PTPRB: variants seen among roughly 807,000 people sequenced by gnomAD.
PTPRB encodes the protein protein tyrosine phosphatase receptor type B.
A neutral mutation model predicts 238.1 loss-of-function variants in PTPRB; 97 were observed. The ratio of observed to expected loss-of-function variants is 0.41; its 90% confidence interval spans 0.35 to 0.48. The LOEUF (loss-of-function observed/expected upper bound fraction) is 0.48, where lower values mean the gene tolerates loss of function less well. Among genes scored for constraint, PTPRB ranks in the 20% least tolerant of loss-of-function variants. The probability of loss-of-function intolerance (pLI) is 0.30; values close to 1 mark genes in which losing one functional copy is unlikely to be tolerated. For synonymous variants in PTPRB, 970 were observed against 995.4 expected, an observed-to-expected ratio of 0.97 and a Z score of 0.48; for missense variants, 2,292 against 2,681.9, an observed-to-expected ratio of 0.85 and a Z score of 3.21.
At chr12:70,535,920 C>G in intron 29 of PTPRB, 105 bp downstream of exon 29, 1 of 1,414,832 alleles carries the variant, frequency 7.1e-7, no homozygotes, top group Non-Finnish European at 9.8e-7. Context: ...AATGCTCTCA[C>G]ATGATCCCTA....
At chr12:70,590,473 G>A (rs1273066189) in intron 7 of PTPRB, among the ~76,000 whole-genome samples, 1 of 151,588 alleles carries the variant, frequency 6.6e-6, no homozygotes, top group Non-Finnish European at 1.5e-5. Flanking sequence ...CTGTTGTAGT[G>A]TTAATAATCT....
In PTPRB at chr12:70,594,528, G is replaced by A. The variant is rs774408687; in HGVS notation, c.1455C>T (p.Asn485=). The change falls in exon 6 of 34, where the codon AAC becomes AAT. Residue 485 remains asparagine (N), a synonymous_variant. Transcript: ENST00000334414. The part of the protein sequence containing the change: ...FHGLTPGYLY[N]LTVMTEAAGL... The stretch of plus-strand genomic sequence containing the variant: ...CTGCAGCCTCAGTCATAACAGTGAG[G>A]TTGTAGAGGTAGCCAGGGGTCAGCC... 6 of 1,613,986 alleles carry A rather than the reference G, an allele frequency of 3.7e-6. No homozygotes were observed. Among genetic ancestry groups the A allele is most frequent in the Non-Finnish European group, 5.1e-6 (6 of 1,179,888 alleles).
At chr12:70,563,683 T>C (rs1396113674) in intron 15 of PTPRB, among the ~76,000 whole-genome samples, 1 of 152,140 alleles carries the variant, frequency 6.6e-6, no homozygotes, top group Non-Finnish European at 1.5e-5. Context: ...ATACCTATGG[T>C]CCCTTCTCTC....
intron 18 of PTPRB, 174 bp downstream of exon 18, chr12:70,559,169 C>T (rs946526191): frequency 6.4e-5 from 44 of 684,804 alleles, no homozygotes; most frequent in South Asian, 2.5e-4. Flanking sequence ...TTTATTGTCC[C>T]TTGTTGTTAA....
intron 4 of PTPRB, among the ~76,000 whole-genome samples, chr12:70,607,175 A>G (rs1234591882): frequency 2.0e-5 from 3 of 152,208 alleles, no homozygotes; most frequent in Non-Finnish European, 2.9e-5. Context: ...GTCCTTTTCC[A>G]TTACTGTTTT....
intron 28 of PTPRB, among the ~76,000 whole-genome samples, chr12:70,536,889 C>T: frequency 6.6e-6 from 1 of 152,204 alleles, no homozygotes; most frequent in East Asian, 1.9e-4. Flanking sequence ...TTTCTCTCTG[C>T]TGGGGGATAT....
At chr12:70,620,067 A>G (rs1278125151) in intron 3 of PTPRB, among the ~76,000 whole-genome samples, 3 of 152,220 alleles carry the variant, frequency 2.0e-5, no homozygotes, top group African/African-American at 7.2e-5. Flanking sequence ...GAAAGAGCAT[A>G]GCTTTTACAC....
At chr12:70,530,425 A>G (rs1028831802) in intron 32 of PTPRB, among the ~76,000 whole-genome samples, 29 of 152,182 alleles carry the variant, frequency 1.9e-4, no homozygotes, top group African/African-American at 7.0e-4. Context: ...ATGTACACAT[A>G]TAGGTGTATA....
chr12:70,569,764 T>C lies in PTPRB; in HGVS notation c.3545A>G (p.His1182Arg), dbSNP rs1195947607. Reference sequence around the variant, plus strand: ...GTACTGCTCCCCGGCCTCCAGTCTGTGGAACGTGTGCTCAAAGACGTGCTT... The same window carrying C: ...GTACTGCTCCCCGGCCTCCAGTCTGCGGAACGTGTGCTCAAAGACGTGCTT... ...IPKHVFEHTF[H>R]RLEAGEQYQI... Residue 1182 changes from histidine to arginine, a missense_variant, in exon 14 of 34, where the codon CAC becomes CGC. Coordinates refer to ENST00000334414, the MANE Select transcript of PTPRB (RefSeq NM_001109754.4). The C allele has an allele frequency of 3.7e-6, 6 of 1,613,770 alleles. No homozygotes were observed. Among genetic ancestry groups the C allele is most frequent in the Non-Finnish European group, 4.2e-6 (5 of 1,179,874 alleles).
intron 7 of PTPRB, among the ~76,000 whole-genome samples, chr12:70,590,940 GTTT>G (rs35496972): frequency 1.9e-5 from 2 of 102,844 alleles, no homozygotes; most frequent in Non-Finnish European, 3.8e-5. Context: ...TTTCCTCCAA[GTTT>G]TTTTTTTTTT....
chr12:70,628,393 C>T (rs909956545), intron 2 of PTPRB, among the ~76,000 whole-genome samples: 8 of 152,164 alleles, frequency 5.3e-5, no homozygotes, highest in South Asian at 2.1e-4. Context: ...GACATTCCTT[C>T]GAAAAGTTAT....
Position 70,544,648 on chromosome 12 carries a change from A to T in PTPRB, c.5403T>A (p.Ala1801=), listed in dbSNP as rs35012653. ...GGTCCTCATCAAAGAGCTGTGTAAA[A>T]GCTCGAATGCTGATTCTGAAAAGAA... ...PHTAYRISIR[A]FTQLFDEDLK... is the part of the protein sequence containing the mutation. Residue 1801 remains alanine, a synonymous_variant, in exon 22 of 34, where the codon GCT becomes GCA. Transcript: ENST00000334414. The T allele has an allele frequency of 1.5e-3, 2,400 of 1,584,382 alleles. 33 individuals carry two copies. In the African/African-American group the frequency reaches 0.026, roughly 17 times the overall value.
intron 33 of PTPRB, among the ~76,000 whole-genome samples, chr12:70,523,971 C>A (rs1285445256): frequency 6.6e-6 from 1 of 151,944 alleles, no homozygotes; most frequent in East Asian, 1.9e-4. Context: ...AGCCACCATG[C>A]CTGGCTCTTT....
At chr12:70,582,784 G>GA (rs997330434) in intron 9 of PTPRB, among the ~76,000 whole-genome samples, 1 of 151,866 alleles carries the variant, frequency 6.6e-6, no homozygotes, top group Non-Finnish European at 1.5e-5. Context: ...ATTTATGAAA[G>GA]AAAAAAACTG....
chr12:70,527,093 TGTTCACACATTCA>T (rs1469665382), intron 32 of PTPRB, among the ~76,000 whole-genome samples: 1 of 152,228 alleles, frequency 6.6e-6, no homozygotes, highest in African/African-American at 2.4e-5. Flanking sequence ...CTTGGCTTAG[TGTTCACACATTCA>T]GTTCCATTCA....
At chr12:70,621,016 TA>T (rs1475378088) in intron 3 of PTPRB, among the ~76,000 whole-genome samples, 9 of 152,260 alleles carry the variant, frequency 5.9e-5, no homozygotes, top group Admixed American at 2.6e-4. Flanking sequence ...ACAAAATTTT[TA>T]AAGAAGTTTA....
intron 19 of PTPRB, 41 bp downstream of exon 19, chr12:70,555,829 C>T: frequency 6.2e-7 from 1 of 1,601,196 alleles, no homozygotes; most frequent in Non-Finnish European, 8.5e-7. Context: ...CCCTTCACTC[C>T]AGTGACAGGA....
chr12:70,583,187 A>G (rs1419551753), intron 9 of PTPRB, among the ~76,000 whole-genome samples: 1 of 152,122 alleles, frequency 6.6e-6, no homozygotes, highest in Non-Finnish European at 1.5e-5. Context: ...TTACCATATG[A>G]CCCAGCAATA....
intron 3 of PTPRB, among the ~76,000 whole-genome samples, chr12:70,611,967 C>T (rs528981211): frequency 2.0e-5 from 3 of 152,312 alleles, no homozygotes; most frequent in East Asian, 1.9e-4. Context: ...TGCCCTCAGC[C>T]TTTATAGGAG....
Sources: allele counts gnomAD v4.1 joint callset (sites outside exome capture counted in the v4.1 genomes callset), GRCh38; gene constraint gnomAD v4.1.1; transcripts MANE v1.5; gene names NCBI Gene and HGNC (gene_info 2026-07-23, HGNC 2026-07-21).